SGSH: variants seen among roughly 807,000 people sequenced by gnomAD.
SGSH encodes heparan sulfate sulfatase.
SGSH carries 48 observed loss-of-function variants against 51.0 expected under a neutral mutation model. The observed-to-expected ratio is 0.94, with a 90% CI of 0.75 to 1.20. The LOEUF (loss-of-function observed/expected upper bound fraction) is 1.20. SGSH is among the 50% of genes most tolerant of loss of function. SGSH has a pLI of 0.00. For missense variants in SGSH, 662 were observed against 717.8 expected, an observed-to-expected ratio of 0.92 and a Z score of 0.89; for synonymous variants, 321 against 313.4, an observed-to-expected ratio of 1.02 and a Z score of -0.26.
chr17:80,220,126 G>A (rs564245948), intron 1 of SGSH, 100 bp downstream of exon 1: 4 of 795,582 alleles, frequency 5.0e-6, no homozygotes, highest in East Asian at 6.4e-5. Flanking sequence ...ACAAGGGCAG[G>A]GCACACTAGG....
chr17:80,206,959 C>A, downstream of SGSH: 2 of 1,599,156 alleles, frequency 1.3e-6, no homozygotes, highest in Non-Finnish European at 1.7e-6. Context: ...TCTTCTCTCC[C>A]TCCCACAAAG....
In SGSH at chr17:80,212,125, G is replaced by A; in HGVS notation, c.895C>T (p.Pro299Ser). The change falls in exon 7 of 8, where the codon CCG (proline) becomes TCG (serine). Residue 299 changes from proline to serine, a missense_variant. By Grantham distance (74) the Pro-to-Ser change is moderately conservative. Transcript: ENST00000326317. The surrounding 1 kb of genome is among the most constrained non-coding windows in gnomAD (Gnocchi z 5.9). Reference protein sequence around the residue: ...GTAEPLLVSSPEHPKRWGQVS... With the variant: ...GTAEPLLVSSSEHPKRWGQVS... ...TGGCCCCAGCGTTTTGGGTGCTCCG[G>A]GGATGACACCAGTAAGGGTTCAGCA... The A allele has an allele frequency of 6.2e-7, 1 of 1,613,634 alleles. No homozygotes were observed. Among genetic ancestry groups the A allele is most frequent in the South Asian group, 1.1e-5 (1 of 91,080 alleles).
Position 80,212,458 on chromosome 17 carries a change from A to T in SGSH, c.746-184T>A. 1 of 657,912 alleles carries T rather than the reference A, an allele frequency of 1.5e-6. No homozygotes were observed. The highest frequency in any genetic ancestry group is 2.8e-6 in the Non-Finnish European group (1 of 362,518). 40.8% of individuals were successfully genotyped at this position (657,912 alleles called of 1,614,324 possible). The stretch of plus-strand genomic sequence containing the variant: ...GCCCAGCTCTTGCCCAGCTCCGCCC[A>T]GCTCCCATTCCCTGAGCAGGCCTCG... On this transcript the variant is annotated intron_variant, in intron 6 of 7. Coordinates refer to ENST00000326317, the MANE Select transcript of SGSH (RefSeq NM_000199.5). This position sits in a 1 kb window ranked among gnomAD's most constrained non-coding sequence, Gnocchi z 5.9.
rs188421139 is a variant in SGSH at position 80,213,678 on chromosome 17, C to T, written c.745+126G>A. 246 of 866,458 alleles carry T rather than the reference C, an allele frequency of 2.8e-4. No homozygotes were observed. The highest frequency in any genetic ancestry group is 3.8e-4 in the Non-Finnish European group (208 of 546,474). 53.7% of individuals were successfully genotyped at this position (866,458 alleles called of 1,614,324 possible). A position where few individuals can be genotyped will look rare whatever the true frequency, so the allele number is the denominator to read the frequency against. On this transcript the variant is annotated intron_variant, in intron 6 of 7. Transcript: ENST00000326317. The surrounding 1 kb of genome is among the most constrained non-coding windows in gnomAD (Gnocchi z 4.6). Reference sequence around the variant, plus strand: ...CTCCTCTCAATGTGGGCTCTGCCAGCTGCAGCACAGGGCCTGCCACACTGG... The same window carrying T: ...CTCCTCTCAATGTGGGCTCTGCCAGTTGCAGCACAGGGCCTGCCACACTGG...
downstream of SGSH, chr17:80,205,381 G>C: frequency 8.4e-7 from 1 of 1,191,488 alleles, no homozygotes; most frequent in Non-Finnish European, 1.2e-6. Flanking sequence ...ACAGAGCGGG[G>C]TGTGCAGGGT....
chr17:80,201,601 C>CT, the SGSH span: 2 of 809,878 alleles, frequency 2.5e-6, no homozygotes, highest in African/African-American at 3.4e-5. The surrounding 1 kb of genome is among the most constrained non-coding windows in gnomAD (Gnocchi z 5.0). Flanking sequence ...TGGTGTGTGG[C>CT]TTTGTTTTGA....
Position 80,214,651 on chromosome 17 carries a change from A to T in SGSH, c.470T>A (p.Leu157Gln). 1 of 1,613,472 alleles carries T rather than the reference A, an allele frequency of 6.2e-7. No homozygotes were observed. The highest frequency in any genetic ancestry group is 1.7e-4 in the Middle Eastern group (1 of 6,060). ...AGTCTGCAGGAATTTCCGGACGAGC[A>T]GCTTAATTCTAGTGATGTTCCGCCC... ...QVGRNITRIK[L>Q]LVRKFLQTQD... The change falls in exon 4 of 8, where the codon CTG becomes CAG. Residue 157 changes from leucine (L) to glutamine (Q), a missense_variant. Coordinates refer to ENST00000326317, the MANE Select transcript of SGSH (RefSeq NM_000199.5).
intron 7 of SGSH, chr17:80,211,755 T>G: frequency 4.6e-6 from 2 of 430,370 alleles, no homozygotes; most frequent in Non-Finnish European, 8.7e-6. Context: ...GATTTGCAAT[T>G]TGGATATTAA....
downstream of SGSH, chr17:80,208,027 G>T (rs540795217): frequency 1.7e-5 from 13 of 758,446 alleles, no homozygotes; most frequent in Non-Finnish European, 2.4e-5. Context: ...CCCTCAAAGC[G>T]AGGCCACCTG....
At position 80,212,859 on chromosome 17, in the gene SGSH, T is replaced by C. The variant is rs1898509176; in HGVS notation, c.746-585A>G. 5.5e-6 allele frequency: 1 copy of C among 181,816 alleles called. No homozygotes were observed. Among genetic ancestry groups the C allele is most frequent in the African/African-American group, 2.4e-5 (1 of 42,054 alleles). 11.3% of individuals were successfully genotyped at this position (181,816 alleles called of 1,614,324 possible). A position where few individuals can be genotyped will look rare whatever the true frequency, so the allele number is the denominator to read the frequency against. The stretch of plus-strand genomic sequence containing the variant: ...ATCTTGGGACAAAATCATCCTGAAG[T>C]GCTCAGGTAGGCCCTAAACCCGACG... On this transcript the variant is annotated intron_variant, in intron 6 of 7. Coordinates refer to ENST00000326317, the MANE Select transcript of SGSH (RefSeq NM_000199.5). This position sits in a 1 kb window ranked among gnomAD's most constrained non-coding sequence, Gnocchi z 5.9.
chr17:80,214,290 C>CG lies in SGSH; in HGVS notation c.544dup (p.Arg182ProfsTer14). ...GTACTGGGGCTGGGAGTGCCCACAG[C>CG]GGTGGGGGTCGTGGAAGGCGACGTA... On this transcript the variant is annotated frameshift_variant, in exon 5 of 8. Coordinates refer to ENST00000326317, the MANE Select transcript of SGSH (RefSeq NM_000199.5). LOFTEE classifies it high-confidence loss of function. 6.2e-7 allele frequency: 1 copy of CG among 1,613,192 alleles called. No homozygotes were observed. Among genetic ancestry groups the CG allele is most frequent in the East Asian group, 2.2e-5 (1 of 44,884 alleles).
Position 80,210,507 on chromosome 17 carries a change from C to A in SGSH, c.1454G>T (p.Gly485Val). The A allele has an allele frequency of 6.2e-7, 1 of 1,607,556 alleles. No individual in the cohort carries two copies. Residue 485 changes from glycine (G) to valine (V), a missense_variant, in exon 8 of 8, where the codon GGC becomes GTC. Physicochemically the swap from Gly to Val is moderately radical, Grantham distance 109. Coordinates refer to ENST00000326317, the MANE Select transcript of SGSH (RefSeq NM_000199.5). ...GGGAGAGAGCTTCTCCTCCAGGACG[C>A]CGTCGGGGGCGCACACCCAGGGGTC... ...THDPWVCAPDGVLEEKLSPQC... is the reference protein window; with the variant it reads ...THDPWVCAPDVVLEEKLSPQC...
At chr17:80,215,814 A>T (rs2041869936) in intron 2 of SGSH, among the ~76,000 whole-genome samples, 2 of 152,160 alleles carry the variant, frequency 1.3e-5, no homozygotes, top group Non-Finnish European at 2.9e-5. Flanking sequence ...GTGAGACTAA[A>T]AGAACAAGTG....
At chr17:80,203,437 A>G, downstream of SGSH, 1 of 204,014 alleles carries the variant, frequency 4.9e-6, no homozygotes, top group Non-Finnish European at 9.8e-6. This position sits in a 1 kb window ranked among gnomAD's most constrained non-coding sequence, Gnocchi z 4.6. Flanking sequence ...CAGCAGGTCC[A>G]GGGAGAGGCC....
chr17:80,204,006 C>G (rs2289540), downstream of SGSH: 59,373 of 871,610 alleles, frequency 0.068, 2,304 homozygotes, highest in South Asian at 0.11. Flanking sequence ...GTAACCCCAC[C>G]TGTCTCTCCT....
chr17:80,212,398 G>C lies in SGSH; in HGVS notation c.746-124C>G. On this transcript the variant is annotated intron_variant, in intron 6 of 7. Coordinates refer to ENST00000326317, the MANE Select transcript of SGSH (RefSeq NM_000199.5). This position sits in a 1 kb window ranked among gnomAD's most constrained non-coding sequence, Gnocchi z 5.9. ...GCTCCAGCGCTTTCCGGATTCGAAAGCACCCTGTAGTTCTTCCCAATGGCC... is the reference window on the plus strand; with the variant it reads ...GCTCCAGCGCTTTCCGGATTCGAAACCACCCTGTAGTTCTTCCCAATGGCC... 1 of 828,484 alleles carries C rather than the reference G, an allele frequency of 1.2e-6. No individual in the cohort carries two copies. Among genetic ancestry groups the C allele is most frequent in the Non-Finnish European group, 2.0e-6 (1 of 500,024 alleles). The allele number at this position is 828,484 out of a possible 1,614,324, so 51.3% of individuals were successfully genotyped here.
At chr17:80,200,767 A>G in the SGSH span, 1 of 158,574 alleles carries the variant, frequency 6.3e-6, no homozygotes, top group South Asian at 2.0e-4. Context: ...GGGAGCCCTG[A>G]GCTTGTTTTC....
chr17:80,201,183 T>G, the SGSH span: 1 of 154,612 alleles, frequency 6.5e-6, no homozygotes, highest in African/African-American at 2.4e-5. The surrounding 1 kb of genome is among the most constrained non-coding windows in gnomAD (Gnocchi z 5.0). Flanking sequence ...CACATCTTAA[T>G]TTTTATTGTA....
At chr17:80,208,514 C>T (rs1297345389), downstream of SGSH, 3 of 562,866 alleles carry the variant, frequency 5.3e-6, no homozygotes, top group East Asian at 5.9e-5. Flanking sequence ...GCAGGTCACA[C>T]ACAGTGAAGC....
Sources: allele counts gnomAD v4.1 joint callset (sites outside exome capture counted in the v4.1 genomes callset), GRCh38; gene constraint gnomAD v4.1.1; non-coding constraint Gnocchi (gnomAD v3.1); transcripts MANE v1.5; gene names NCBI Gene and HGNC (gene_info 2026-07-23, HGNC 2026-07-21).